SUDS3: variants seen among roughly 807,000 people sequenced by gnomAD.
The protein encoded by SUDS3 is SIN3A corepressor complex component SDS3, also known as sin3 histone deacetylase corepressor complex component SDS3.
A neutral mutation model predicts 53.5 loss-of-function variants in SUDS3; 23 were observed. The ratio of observed to expected loss-of-function variants is 0.43; its 90% CI spans 0.31 to 0.61. The LOEUF (loss-of-function observed/expected upper bound fraction) is 0.61, where lower values mean the gene tolerates loss of function less well. Ranked by LOEUF, SUDS3 falls within the 20% of genes least tolerant of loss-of-function variation. The pLI, the probability that SUDS3 is intolerant of heterozygous loss-of-function variation, is 0.10. For missense variants in SUDS3, 291 were observed against 405.9 expected, an observed-to-expected ratio of 0.72 and a Z score of 2.43; for synonymous variants, 150 against 148.5, an observed-to-expected ratio of 1.01 and a Z score of -0.08.
chr12:118,414,293 G>A (rs186463473), intron 11 of SUDS3, 42 bp from the exon 12 acceptor site: 333 of 1,442,978 alleles, frequency 2.3e-4, no homozygotes, highest in Non-Finnish European at 1.2e-4. Flanking sequence ...TTGCTCTTCT[G>A]TATTTAACTT....
intron 10 of SUDS3, among the ~76,000 whole-genome samples, chr12:118,408,390 G>A (rs1444347171): frequency 6.6e-6 from 1 of 151,052 alleles, no homozygotes; most frequent in Non-Finnish European, 1.5e-5. Flanking sequence ...CTGGAGTGCA[G>A]TGGCATGATC....
intron 10 of SUDS3, 106 bp downstream of exon 10, chr12:118,403,623 C>A: frequency 1.2e-6 from 1 of 851,852 alleles, no homozygotes; most frequent in Non-Finnish European, 1.9e-6. Flanking sequence ...GCTAAACTTA[C>A]ATAGTACTAA....
At chr12:118,387,692 C>T (rs1284652532) in intron 4 of SUDS3, among the ~76,000 whole-genome samples, 1 of 152,102 alleles carries the variant, frequency 6.6e-6, no homozygotes, top group African/African-American at 2.4e-5. Context: ...GCTGGAATTA[C>T]AGGCGCCTGC....
intron 1 of SUDS3, among the ~76,000 whole-genome samples, chr12:118,378,431 C>T (rs1048566944): frequency 6.0e-5 from 9 of 151,246 alleles, no homozygotes; most frequent in African/African-American, 1.7e-4. Context: ...AACAGTGTAG[C>T]GTAACAACTA....
At chr12:118,405,115 G>A (rs2046298407) in intron 10 of SUDS3, among the ~76,000 whole-genome samples, 1 of 152,224 alleles carries the variant, frequency 6.6e-6, no homozygotes, top group South Asian at 2.1e-4. Flanking sequence ...CTAGGTGGCA[G>A]GCTCTAACAG....
chr12:118,404,144 C>T (rs1336534428), intron 10 of SUDS3: 1 of 152,274 alleles, frequency 6.6e-6, no homozygotes, highest in African/African-American at 2.4e-5. Context: ...CGGAGTCTTG[C>T]TCTGTCGCCA....
intron 1 of SUDS3, among the ~76,000 whole-genome samples, chr12:118,379,873 A>G (rs555237494): frequency 6.6e-6 from 1 of 152,332 alleles, no homozygotes; most frequent in South Asian, 2.1e-4. Context: ...TTTCTGAAGT[A>G]CGGCTGTCCC....
At chr12:118,382,446 C>T (rs2046074872) in intron 2 of SUDS3, among the ~76,000 whole-genome samples, 2 of 151,832 alleles carry the variant, frequency 1.3e-5, no homozygotes, top group Admixed American at 1.3e-4. Context: ...ACTGCAGTCT[C>T]AACCTCTGGG....
chr12:118,406,780 TA>T (rs2046312057), intron 10 of SUDS3, among the ~76,000 whole-genome samples: 1 of 152,058 alleles, frequency 6.6e-6, no homozygotes, highest in African/African-American at 2.4e-5. Flanking sequence ...AACATATTTT[TA>T]AATTTCTTCC....
intron 1 of SUDS3, among the ~76,000 whole-genome samples, chr12:118,378,646 T>C (rs966570319): frequency 1.3e-5 from 2 of 151,878 alleles, no homozygotes; most frequent in African/African-American, 4.8e-5. Flanking sequence ...CATGCCTGGC[T>C]AATTTTTGTG....
intron 5 of SUDS3, 170 bp from the exon 6 acceptor site, chr12:118,390,956 C>G (rs1476082150): frequency 1.3e-6 from 1 of 786,660 alleles, no homozygotes; most frequent in Non-Finnish European, 2.2e-6. Flanking sequence ...TCACGTGGGT[C>G]TGATTTTATA....
intron 2 of SUDS3, among the ~76,000 whole-genome samples, chr12:118,381,413 C>T (rs530795230): frequency 4.7e-5 from 7 of 148,072 alleles, no homozygotes; most frequent in Admixed American, 1.4e-4. Context: ...GATGGAGTGT[C>T]GCTTTGTTGC....
chr12:118,381,177 CTTAT>C (rs1358536775), intron 2 of SUDS3, among the ~76,000 whole-genome samples: 3 of 151,678 alleles, frequency 2.0e-5, no homozygotes, highest in South Asian at 4.2e-4. Context: ...GCTGCTGACT[CTTAT>C]TTATTTATTT....
chr12:118,407,096 T>C (rs753105078), intron 10 of SUDS3, among the ~76,000 whole-genome samples: 4 of 151,966 alleles, frequency 2.6e-5, no homozygotes, highest in Non-Finnish European at 4.4e-5. Flanking sequence ...GATGAGGTCT[T>C]GCTATGTTGC....
chr12:118,413,265 G>C lies in SUDS3; in HGVS notation c.889-1070G>C, dbSNP rs192666824. On this transcript the variant is annotated intron_variant, in intron 11 of 11. Transcript: ENST00000543473. ...AGTCCAGGAAGGAGGAGATAAATCT[G>C]TAAACTTGTATATTTGGGTGAGATG... Among the ~76,000 whole-genome samples the C allele has an allele frequency of 1.8e-3, 267 of 152,286 alleles. 5 individuals carry two copies. The highest frequency in any genetic ancestry group is 0.015 in the Admixed American group (227 of 15,302).
At chr12:118,401,422 T>C (rs1459017169) in intron 7 of SUDS3, among the ~76,000 whole-genome samples, 1 of 152,142 alleles carries the variant, frequency 6.6e-6, no homozygotes. Context: ...CTTGGGTGAG[T>C]GTGTGTGGAA....
At chr12:118,404,882 A>G (rs933177731) in intron 10 of SUDS3, among the ~76,000 whole-genome samples, 2 of 152,234 alleles carry the variant, frequency 1.3e-5, no homozygotes, top group Non-Finnish European at 2.9e-5. Context: ...ACCCGATAAC[A>G]TTGTACTTGT....
intron 4 of SUDS3, among the ~76,000 whole-genome samples, chr12:118,386,922 A>G (rs1472685876): frequency 1.3e-5 from 2 of 152,198 alleles, no homozygotes; most frequent in Admixed American, 6.5e-5. Context: ...TTGAATTTTT[A>G]ACGCTCATCA....
intron 10 of SUDS3, among the ~76,000 whole-genome samples, chr12:118,410,426 CA>C (rs1177098062): frequency 6.6e-6 from 1 of 151,440 alleles, no homozygotes; most frequent in Non-Finnish European, 1.5e-5. Flanking sequence ...TCATATAGTC[CA>C]AAAAAAGGGA....
Sources: gnomAD v4.1 joint callset for allele counts (sites outside exome capture counted in the v4.1 genomes callset) on GRCh38, gnomAD v4.1.1 for gene constraint, MANE v1.5 for transcripts, NCBI Gene and HGNC (gene_info 2026-07-23, HGNC 2026-07-21) for gene names.